Variants in TBC1D4 observed in about 807,000 individuals in gnomAD.
The protein encoded by TBC1D4 is TBC1 domain family member 4.
In TBC1D4, 121 loss-of-function variants were observed where a neutral mutation model predicts 142.5. That is an observed-to-expected ratio of 0.85 (90% CI 0.73 to 0.99). The LOEUF (loss-of-function observed/expected upper bound fraction) is 0.99. Among genes scored for constraint, TBC1D4 ranks in the 50% least tolerant of loss-of-function variants. The pLI, the probability that TBC1D4 is intolerant of heterozygous loss-of-function variation, is 0.00. For synonymous variants in TBC1D4, 630 were observed against 628.2 expected, an observed-to-expected ratio of 1.00 and a Z score of -0.04; for missense variants, 1,475 against 1,606.6, an observed-to-expected ratio of 0.92 and a Z score of 1.40.
intron 1 of TBC1D4, chr13:75,367,148 TAC>T (rs1359452893): frequency 5.7e-6 from 1 of 176,494 alleles, no homozygotes; most frequent in Non-Finnish European, 1.1e-5. Context: ...AATCAGGAAA[TAC>T]ACAGATTGTT....
chr13:75,353,997 C>T (rs1268907923), intron 4 of TBC1D4, among the ~76,000 whole-genome samples: 1 of 152,176 alleles, frequency 6.6e-6, no homozygotes, highest in African/African-American at 2.4e-5. Context: ...CAGCCTCTCA[C>T]TCAAGTCCTT....
intron 19 of TBC1D4, among the ~76,000 whole-genome samples, chr13:75,291,187 C>A (rs74649733): frequency 0.018 from 2,666 of 152,274 alleles, 77 homozygotes; most frequent in African/African-American, 0.06. Context: ...CAATTCCCCA[C>A]ACTTACTTTC....
In TBC1D4 at chr13:75,341,231, A is replaced by G. The variant is rs1880673976; in HGVS notation, c.1505T>C (p.Met502Thr). ...TTCTTCCTGGTCACTGACTGGCTTC[A>G]TTTTCTGTTCAACAGACAAACCAAA... ...QADIFERVQK[M>T]KPVSDQEENE... The change falls in exon 7 of 21, where the codon ATG (methionine) becomes ACG (threonine). Residue 502 changes from methionine (M) to threonine (T), a missense_variant. Physicochemically the swap from Met to Thr is moderately conservative, Grantham distance 81. Coordinates refer to ENST00000377636, the MANE Select transcript of TBC1D4 (RefSeq NM_014832.5). The G allele has an allele frequency of 5.6e-6, 9 of 1,613,578 alleles. No individual in the cohort carries two copies. The highest frequency in any genetic ancestry group is 7.6e-6 in the Non-Finnish European group (9 of 1,179,820).
At chr13:75,462,159 C>T (rs2138286235) in intron 1 of TBC1D4, among the ~76,000 whole-genome samples, 1 of 152,234 alleles carries the variant, frequency 6.6e-6, no homozygotes, top group South Asian at 2.1e-4. Context: ...CCTATGCCAT[C>T]ACCATTATTA....
In TBC1D4 at chr13:75,364,787, C is replaced by T. The variant is rs1882801942; in HGVS notation, c.499-2180G>A. On this transcript the variant is annotated intron_variant, in intron 1 of 20. Coordinates refer to ENST00000377636, the MANE Select transcript of TBC1D4 (RefSeq NM_014832.5). Reference sequence around the variant, plus strand: ...CCAAAATCTTTTTGTCTGATTTCCACTAAATACTTTTCATCTAATTTTTAA... The same window carrying T: ...CCAAAATCTTTTTGTCTGATTTCCATTAAATACTTTTCATCTAATTTTTAA... 2.0e-5 allele frequency among the ~76,000 whole-genome samples: 3 copies of T among 152,228 alleles called. 1 individual carries two copies. Among genetic ancestry groups the T allele is most frequent in the South Asian group, 2.1e-4 (1 of 4,830 alleles).
Position 75,362,009 on chromosome 13 carries a change from C to T in TBC1D4, c.1080+17G>A. On this transcript the variant is annotated intron_variant, in intron 2 of 20. Coordinates refer to ENST00000377636, the MANE Select transcript of TBC1D4 (RefSeq NM_014832.5). This position sits in a 1 kb window ranked among gnomAD's most constrained non-coding sequence, Gnocchi z 4.2. ...CACCTTTTGGGGCAAGGGCAGACAG[C>T]GTCCGATCAGGTGTACCTGGAAGAG... is the stretch of plus-strand genomic sequence containing the variant. 6.2e-7 allele frequency: 1 copy of T among 1,613,976 alleles called. No homozygotes were observed. The highest frequency in any genetic ancestry group is 8.5e-7 in the Non-Finnish European group (1 of 1,179,928).
At chr13:75,377,980 A>G (rs1171476057) in intron 1 of TBC1D4, among the ~76,000 whole-genome samples, 1 of 152,118 alleles carries the variant, frequency 6.6e-6, no homozygotes, top group East Asian at 1.9e-4. Flanking sequence ...TATAAACATG[A>G]TTTGGGGGTT....
chr13:75,391,758 C>T lies in TBC1D4; in HGVS notation c.499-29151G>A, dbSNP rs191517735. On this transcript the variant is annotated intron_variant, in intron 1 of 20. Transcript: ENST00000377636. Reference sequence around the variant, plus strand: ...AGACCCTGCACCATCTGATGCCCTACTCCCTCTCTGAGCTCCTCGCCTGCC... The same window carrying T: ...AGACCCTGCACCATCTGATGCCCTATTCCCTCTCTGAGCTCCTCGCCTGCC... Among the ~76,000 whole-genome samples the T allele has an allele frequency of 1.2e-4, 19 of 152,314 alleles. No homozygotes were observed. In the East Asian group the frequency reaches 3.5e-3, roughly 28 times the overall value.
At chr13:75,430,486 T>C (rs1362412527) in intron 1 of TBC1D4, among the ~76,000 whole-genome samples, 2 of 152,234 alleles carry the variant, frequency 1.3e-5, no homozygotes, top group Non-Finnish European at 2.9e-5. Context: ...GTATCTTCTT[T>C]CCAAATATGA....
At chr13:75,435,349 T>A in intron 1 of TBC1D4, among the ~76,000 whole-genome samples, 1 of 148,930 alleles carries the variant, frequency 6.7e-6, no homozygotes, top group Non-Finnish European at 1.5e-5. Flanking sequence ...AATACATAAT[T>A]ACGACTAAAA....
chr13:75,357,272 T>C (rs1245979377), intron 3 of TBC1D4, among the ~76,000 whole-genome samples: 1 of 152,204 alleles, frequency 6.6e-6, no homozygotes, highest in Non-Finnish European at 1.5e-5. Context: ...AATCAATTCC[T>C]GTAAAAAGAA....
Position 75,287,043 on chromosome 13 carries a change from A to AT in TBC1D4, c.3664-19_3664-18insA. On this transcript the variant is annotated intron_variant, in intron 20 of 20. Coordinates refer to ENST00000377636, the MANE Select transcript of TBC1D4 (RefSeq NM_014832.5). ...TGAGCTACCTGTTTGGGGGGGAAAAAATCCTCCAAATCAAATGATTCATTA... is the reference window on the plus strand; with the variant it reads ...TGAGCTACCTGTTTGGGGGGGAAAAATATCCTCCAAATCAAATGATTCATTA... The AT allele has an allele frequency of 6.3e-7, 1 of 1,596,320 alleles. No individual in the cohort carries two copies. Among genetic ancestry groups the AT allele is most frequent in the Non-Finnish European group, 8.6e-7 (1 of 1,164,278 alleles).
intron 1 of TBC1D4, among the ~76,000 whole-genome samples, chr13:75,393,762 A>T (rs9543919): frequency 0.99 from 150,679 of 152,160 alleles, 74,622 homozygotes; most frequent in Middle Eastern, 1. Flanking sequence ...AGAAACCCCA[A>T]CTCTACTAAA....
At position 75,444,546 on chromosome 13, in the gene TBC1D4, A is replaced by G. The variant is rs78982724; in HGVS notation, c.498+36724T>C. Among the ~76,000 whole-genome samples the G allele has an allele frequency of 2.1e-3, 326 of 152,376 alleles. 1 individual carries two copies. The highest frequency in any genetic ancestry group is 7.6e-3 in the African/African-American group (316 of 41,592). ...GTTTAATAATTTCACATTATAAATA[A>G]GACATTGTTGTTCATGTTTCATGTC... On this transcript the variant is annotated intron_variant, in intron 1 of 20. Transcript: ENST00000377636.
At chr13:75,413,915 G>T (rs1480305407) in intron 1 of TBC1D4, among the ~76,000 whole-genome samples, 1 of 152,066 alleles carries the variant, frequency 6.6e-6, no homozygotes, top group African/African-American at 2.4e-5. Flanking sequence ...CTAGAGCAGG[G>T]TTTCTTGATT....
intron 5 of TBC1D4, among the ~76,000 whole-genome samples, chr13:75,348,952 A>AGTGT (rs1226106722): frequency 1.2e-4 from 14 of 119,998 alleles, no homozygotes; most frequent in African/African-American, 4.0e-4. Flanking sequence ...AGAGAGAGAG[A>AGTGT]GAGTGTGTGT....
At chr13:75,349,763 A>C (rs2138117318) in intron 4 of TBC1D4, among the ~76,000 whole-genome samples, 1 of 152,354 alleles carries the variant, frequency 6.6e-6, no homozygotes, top group South Asian at 2.1e-4. Flanking sequence ...GCAAACAAAA[A>C]GTGTTAAGTA....
chr13:75,409,384 A>C (rs535864721), intron 1 of TBC1D4, among the ~76,000 whole-genome samples: 1 of 152,296 alleles, frequency 6.6e-6, no homozygotes, highest in East Asian at 1.9e-4. Context: ...AGATATTTCA[A>C]CTGACTCAAT....
intron 1 of TBC1D4, among the ~76,000 whole-genome samples, chr13:75,422,360 G>A (rs542866634): frequency 6.6e-6 from 1 of 152,226 alleles, no homozygotes; most frequent in East Asian, 1.9e-4. Context: ...TAATGGAAAT[G>A]AGAAACTATA....
Sources: allele counts gnomAD v4.1 joint callset (sites outside exome capture counted in the v4.1 genomes callset), GRCh38; gene constraint gnomAD v4.1.1; non-coding constraint Gnocchi (gnomAD v3.1); transcripts MANE v1.5; gene names NCBI Gene and HGNC (gene_info 2026-07-23, HGNC 2026-07-21).